The following SLC25A42 variants were observed in gnomAD, a reference collection of about 807,000 sequenced individuals.
The protein encoded by SLC25A42 is mitochondrial coenzyme A transporter SLC25A42.
Under a neutral mutation model 34.7 loss-of-function variants are expected in SLC25A42, and 19 were observed. That is an observed-to-expected ratio of 0.55 (90% CI 0.38 to 0.80). The LOEUF is 0.80. Ranked by LOEUF, SLC25A42 falls within the 30% of genes least tolerant of loss-of-function variation. SLC25A42 has a pLI of 0.00. For missense variants in SLC25A42, 364 were observed against 441.3 expected (o/e 0.82, Z 1.57); for synonymous variants, 205 against 191.2 (o/e 1.07, Z -0.59).
Position 19,101,767 on chromosome 19 carries a change from A to G in SLC25A42, c.82-14A>G, listed in dbSNP as rs575917843. The stretch of plus-strand genomic sequence containing the variant: ...CCCCTGCCCTCTGACCTCTGATCAC[A>G]TGTTCTGTTGCAGCGTGACCACAGG... On this transcript the variant is annotated splice_polypyrimidine_tract_variant and intron_variant, in intron 2 of 7. Transcript: ENST00000318596. The G allele has an allele frequency of 6.5e-5, 105 of 1,607,702 alleles. 1 individual carries two copies. Among genetic ancestry groups the G allele is most frequent in the South Asian group, 3.1e-4 (28 of 90,174 alleles).
chr19:19,110,813 C>T lies in SLC25A42; in HGVS notation c.894C>T (p.Ala298=), dbSNP rs1342364740. 4.3e-6 allele frequency: 7 copies of T among 1,613,834 alleles called. No individual in the cohort carries two copies. The highest frequency in any genetic ancestry group is 4.2e-6 in the Non-Finnish European group (5 of 1,180,016). Reference sequence around the variant, plus strand: ...TGAACTGGGTCAAGGGTCCCATCGCCGTGGGCATCAGCTTCACCACCTTCG... The same window carrying T: ...TGAACTGGGTCAAGGGTCCCATCGCTGTGGGCATCAGCTTCACCACCTTCG... ...LSMNWVKGPI[A]VGISFTTFDL... is the part of the protein sequence containing the mutation. Residue 298 remains alanine, a synonymous_variant, in exon 8 of 8, where the codon GCC becomes GCT. Transcript: ENST00000318596.
chr19:19,096,168 A>C lies in SLC25A42; in HGVS notation c.44A>C (p.Asp15Ala), dbSNP rs571380861. Residue 15 changes from aspartate (D) to alanine (A), a missense_variant, in exon 2 of 8, where the codon GAT (aspartate) becomes GCT (alanine). Transcript: ENST00000318596. ...VKEGPVRLHE[D>A]AEAVLSSSVS... ...GAAGGCCCGGTGCGATTGCATGAGG[A>C]TGCTGAGGCTGTCCTGTCCTCGTCC... 6.2e-7 allele frequency: 1 copy of C among 1,613,016 alleles called. No individual in the cohort carries two copies. Among genetic ancestry groups the C allele is most frequent in the African/African-American group, 1.3e-5 (1 of 74,078 alleles).
chr19:19,072,113 A>C (rs1431150029), intron 1 of SLC25A42, among the ~76,000 whole-genome samples: 1 of 152,012 alleles, frequency 6.6e-6, no homozygotes, highest in Non-Finnish European at 1.5e-5. Flanking sequence ...CCAGCCTCCC[A>C]AAGTATTGGA....
intron 1 of SLC25A42, among the ~76,000 whole-genome samples, chr19:19,085,570 G>A (rs8100136): frequency 0.14 from 20,720 of 152,146 alleles, 1,603 homozygotes; most frequent in Middle Eastern, 0.22. Context: ...TAGTAGAAAT[G>A]GGCTTTCGCC....
At chr19:19,086,886 G>T (rs1316135110) in intron 1 of SLC25A42, among the ~76,000 whole-genome samples, 1 of 151,946 alleles carries the variant, frequency 6.6e-6, no homozygotes, top group Admixed American at 6.6e-5. Context: ...TATTTACTTT[G>T]ATATACATAT....
chr19:19,087,540 G>T (rs576561007), intron 1 of SLC25A42, among the ~76,000 whole-genome samples: 15 of 152,122 alleles, frequency 9.9e-5, no homozygotes, highest in Non-Finnish European at 1.9e-4. Context: ...CACCCACTTC[G>T]GCCTCCCAAA....
chr19:19,069,478 T>G (rs977654958), intron 1 of SLC25A42, among the ~76,000 whole-genome samples: 1 of 152,220 alleles, frequency 6.6e-6, no homozygotes, highest in African/African-American at 2.4e-5. Context: ...TGTGGAGGCC[T>G]AAAGTCCAAA....
In SLC25A42 at chr19:19,110,935, T is replaced by G; in HGVS notation, c.*59T>G. 1.3e-6 allele frequency: 2 copies of G among 1,561,342 alleles called. No individual in the cohort carries two copies. Among genetic ancestry groups the G allele is most frequent in the Non-Finnish European group, 8.8e-7 (1 of 1,138,588 alleles). On this transcript the variant is annotated 3_prime_UTR_variant, in exon 8 of 8. Coordinates refer to ENST00000318596, the MANE Select transcript of SLC25A42 (RefSeq NM_178526.5). ...GTGACCCCTTTGTATTCTGGGCCCA[T>G]GGAACGGTGGGGGGGTGCGCTTGAT...
At chr19:19,092,069 G>T (rs558201389) in intron 1 of SLC25A42, among the ~76,000 whole-genome samples, 15 of 152,270 alleles carry the variant, frequency 9.9e-5, no homozygotes, top group African/African-American at 3.6e-4. Context: ...TGTGCTGTGG[G>T]ATCATGCACT....
intron 1 of SLC25A42, among the ~76,000 whole-genome samples, chr19:19,073,989 T>C (rs1013160419): frequency 6.6e-6 from 1 of 152,234 alleles, no homozygotes; most frequent in African/African-American, 2.4e-5. Flanking sequence ...ATTACAGGCA[T>C]GAGCCACCAC....
intron 2 of SLC25A42, among the ~76,000 whole-genome samples, chr19:19,098,222 A>G (rs1424984753): frequency 6.6e-6 from 1 of 152,124 alleles, no homozygotes; most frequent in Non-Finnish European, 1.5e-5. Context: ...GAGCATGTGA[A>G]CTGGCCCCAA....
intron 4 of SLC25A42, 105 bp from the exon 5 acceptor site, chr19:19,105,456 T>A (rs909324107): frequency 5.8e-6 from 8 of 1,377,802 alleles, no homozygotes; most frequent in Non-Finnish European, 7.9e-6. Flanking sequence ...GGAGATGGGG[T>A]CACCCCGGCC....
rs375317030 is a variant in SLC25A42, at chr19:19,096,086, C to G, written c.-34-5C>G. On this transcript the variant is annotated splice_region_variant and splice_polypyrimidine_tract_variant and intron_variant, in intron 1 of 7. Transcript: ENST00000318596. Reference sequence around the variant, plus strand: ...GTATCTTACCACCTCCCCTTACCCCCCCAGGACCGAGTCTCCTGCCATTCC... The same window carrying G: ...GTATCTTACCACCTCCCCTTACCCCGCCAGGACCGAGTCTCCTGCCATTCC... The G allele has an allele frequency of 8.8e-6, 14 of 1,582,856 alleles. No individual in the cohort carries two copies. Among genetic ancestry groups the G allele is most frequent in the Admixed American group, 8.4e-5 (5 of 59,794 alleles).
rs1227460469 is a variant in SLC25A42 at position 19,081,169 on chromosome 19, G to A, written c.-34-14922G>A. 6.6e-6 allele frequency among the ~76,000 whole-genome samples: 1 copy of A among 151,902 alleles called. No individual in the cohort carries two copies. Among genetic ancestry groups the A allele is most frequent in the Non-Finnish European group, 1.5e-5 (1 of 67,972 alleles). ...AGAAAAGAAAGGAGGGAGGAAGGGA[G>A]GGAAAGAGAGGAAGGGAAGAAGGAG... On this transcript the variant is annotated intron_variant, in intron 1 of 7. Transcript: ENST00000318596. This position sits in a 1 kb window ranked among gnomAD's most constrained non-coding sequence, Gnocchi z 4.5.
chr19:19,096,852 G>A (rs1483890373), intron 2 of SLC25A42, among the ~76,000 whole-genome samples: 3 of 151,986 alleles, frequency 2.0e-5, no homozygotes, highest in Non-Finnish European at 4.4e-5. Context: ...CAGTTGAATC[G>A]CTTGAACCTG....
At chr19:19,069,379 G>A (rs1009070418) in intron 1 of SLC25A42, among the ~76,000 whole-genome samples, 5 of 152,316 alleles carry the variant, frequency 3.3e-5, no homozygotes, top group African/African-American at 1.2e-4. Flanking sequence ...CTTGGCCTCA[G>A]ATCCCTGCAT....
intron 1 of SLC25A42, among the ~76,000 whole-genome samples, chr19:19,078,790 G>T (rs561863129): frequency 6.6e-6 from 1 of 152,214 alleles, no homozygotes; most frequent in Admixed American, 6.5e-5. Flanking sequence ...CCCAGGGCTG[G>T]TGGGAACCTG....
intron 4 of SLC25A42, 57 bp downstream of exon 4, chr19:19,104,995 TGGCAGGAGTTA>T (rs2059818439): frequency 6.2e-7 from 1 of 1,603,706 alleles, no homozygotes; most frequent in African/African-American, 1.3e-5. Flanking sequence ...CCTGATGGGC[TGGCAGGAGTTA>T]GGCAGGTGGT....
Position 19,110,707 on chromosome 19 carries a change from C to T in SLC25A42, c.788C>T (p.Pro263Leu), listed in dbSNP as rs1322574500. The change falls in exon 8 of 8, where the codon CCG becomes CTG. Residue 263 changes from proline (P) to leucine (L), a missense_variant. By Grantham distance (98) the Pro-to-Leu change is moderately conservative. Coordinates refer to ENST00000318596, the MANE Select transcript of SLC25A42 (RefSeq NM_178526.5). Reference protein sequence around the residue: ...RMQTAGVTGYPRASIARTLRT... With the variant: ...RMQTAGVTGYLRASIARTLRT... ...CAGACGGCCGGCGTCACGGGCTACC[C>T]GCGCGCCTCCATCGCCCGCACGCTG... 1 of 1,596,512 alleles carries T rather than the reference C, an allele frequency of 6.3e-7. No individual in the cohort carries two copies. The highest frequency in any genetic ancestry group is 8.5e-7 in the Non-Finnish European group (1 of 1,172,486).
Sources: allele counts gnomAD v4.1 joint callset (sites outside exome capture counted in the v4.1 genomes callset), GRCh38; gene constraint gnomAD v4.1.1; non-coding constraint Gnocchi (gnomAD v3.1); transcripts MANE v1.5; gene names NCBI Gene and HGNC (gene_info 2026-07-23, HGNC 2026-07-21).